ZNF468: variants seen among roughly 807,000 people sequenced by gnomAD.
The protein encoded by ZNF468 is zinc finger protein 468, also known as zinc finger protein ZNF468.
A neutral mutation model predicts 7.2 loss-of-function variants in ZNF468; 8 were observed. That is an observed-to-expected ratio of 1.11 (90% CI 0.65 to 2.01). The LOEUF is 2.01. Ranked by LOEUF, ZNF468 falls within the 30% of genes most tolerant of loss-of-function variation. The probability of loss-of-function intolerance (pLI) is 0.00; values close to 1 mark genes in which losing one functional copy is unlikely to be tolerated. For missense variants in ZNF468, 608 were observed against 626.5 expected (o/e 0.97, Z 0.31); for synonymous variants, 218 against 214.4 (o/e 1.02, Z -0.15).
At position 52,841,040 on chromosome 19, in the gene ZNF468, T is replaced by A. The variant is rs749058874; in HGVS notation, c.1254A>T (p.Lys418Asn). ...EKPYKCEECC[K>N]VFSRKSNLER... ...CCAGGTTTGATTTGCGACTGAAAAC[T>A]TTGCAACATTCTTCACATTTGTAAG... Residue 418 changes from lysine to asparagine, a missense_variant, in exon 4 of 4, where the codon AAA becomes AAT. Transcript: ENST00000595646. 1 of 1,612,666 alleles carries A rather than the reference T, an allele frequency of 6.2e-7. No individual in the cohort carries two copies.
In ZNF468 at chr19:52,839,283, T is replaced by G. The variant is rs1430213393; in HGVS notation, c.*1442A>C. 6.0e-6 allele frequency: 1 copy of G among 166,992 alleles called. No homozygotes were observed. Among genetic ancestry groups the G allele is most frequent in the Non-Finnish European group, 1.3e-5 (1 of 77,800 alleles). 10.3% of individuals were successfully genotyped at this position (166,992 alleles called of 1,614,324 possible). ...AAAACAAGAAAAAGAAAATAAAGGC[T>G]GGGAAAAGTAGCTCCCATCTGTTGG... On this transcript the variant is annotated 3_prime_UTR_variant, in exon 4 of 4. Coordinates refer to ENST00000595646, the MANE Select transcript of ZNF468 (RefSeq NM_001008801.2).
chr19:52,846,633 G>A (rs2063343806), intron 3 of ZNF468: 1 of 155,270 alleles, frequency 6.4e-6, no homozygotes, highest in African/African-American at 2.4e-5. Flanking sequence ...GGACACTAAT[G>A]TTGTTATATT....
intron 3 of ZNF468, among the ~76,000 whole-genome samples, chr19:52,844,204 C>T (rs1284822265): frequency 1.3e-5 from 2 of 152,102 alleles, no homozygotes; most frequent in Admixed American, 1.3e-4. Context: ...CCTGCAGATG[C>T]AGACATTGAG....
At chr19:52,848,433 T>G (rs2063357508) in intron 3 of ZNF468, among the ~76,000 whole-genome samples, 1 of 152,218 alleles carries the variant, frequency 6.6e-6, no homozygotes, top group African/African-American at 2.4e-5. Context: ...TCCTTCTGAA[T>G]GCTGAGGGAG....
intron 2 of ZNF468, among the ~76,000 whole-genome samples, chr19:52,850,349 T>G (rs28579478): frequency 2.0e-5 from 3 of 151,778 alleles, no homozygotes; most frequent in African/African-American, 7.3e-5. Flanking sequence ...GTAATGCGGG[T>G]GTGCACAGAG....
intron 3 of ZNF468, among the ~76,000 whole-genome samples, chr19:52,847,319 G>A (rs1336925891): frequency 6.6e-6 from 1 of 151,712 alleles, no homozygotes; most frequent in Non-Finnish European, 1.5e-5. Flanking sequence ...TCCATTCTCA[G>A]TTAACCAGGG....
Position 52,840,857 on chromosome 19 carries a change from T to C in ZNF468, c.1437A>G (p.Thr479=), listed in dbSNP as rs542033880. 2.3e-5 allele frequency: 37 copies of C among 1,595,086 alleles called. 2 individuals are homozygous for C. In the East Asian group the frequency reaches 8.1e-4, roughly 35 times the overall value. Residue 479 remains threonine (T), a synonymous_variant, in exon 4 of 4, where the codon ACA becomes ACG. Coordinates refer to ENST00000595646, the MANE Select transcript of ZNF468 (RefSeq NM_001008801.2). ...CNECGKTFGQ[T]SSLIIHRRLH... ...GCCTACGATGGATTATAAGCGATGATGTCTGACCGAAGGTCTTGCCACACT... is the reference window on the plus strand; with the variant it reads ...GCCTACGATGGATTATAAGCGATGACGTCTGACCGAAGGTCTTGCCACACT...
At chr19:52,853,879 T>G in intron 2 of ZNF468, 2 of 1,259,048 alleles carry the variant, frequency 1.6e-6, no homozygotes, top group Non-Finnish European at 2.0e-6. Context: ...TACCACGTAC[T>G]TCGTGCATAT....
chr19:52,851,941 T>C (rs1453039289), intron 2 of ZNF468, among the ~76,000 whole-genome samples: 1 of 152,156 alleles, frequency 6.6e-6, no homozygotes, highest in Non-Finnish European at 1.5e-5. Flanking sequence ...TGTGTATGTA[T>C]GTATGTATAT....
chr19:52,841,767 G>A lies in ZNF468; in HGVS notation c.527C>T (p.Thr176Ile), dbSNP rs375437640. ...GGGCCTACAACAAATTCTTTGGGAT[G>A]TTGAAACTGAGGAAGCATTGTTGAT... ...KSINNASSVS[T>I]SQRICCRPKT... Residue 176 changes from threonine to isoleucine, a missense_variant, in exon 4 of 4, where the codon ACA becomes ATA. Transcript: ENST00000595646. 4 of 1,614,094 alleles carry A rather than the reference G, an allele frequency of 2.5e-6. No individual in the cohort carries two copies. The highest frequency in any genetic ancestry group is 3.4e-6 in the Non-Finnish European group (4 of 1,180,022).
intron 2 of ZNF468, among the ~76,000 whole-genome samples, chr19:52,853,146 C>T (rs954556169): frequency 3.9e-5 from 6 of 152,032 alleles, no homozygotes; most frequent in Admixed American, 1.3e-4. Flanking sequence ...TGAGCCACCG[C>T]GCGTGGCCCA....
chr19:52,839,417 A>T lies in ZNF468; in HGVS notation c.*1308T>A. 1 of 355,060 alleles carries T rather than the reference A, an allele frequency of 2.8e-6. No individual in the cohort carries two copies. The highest frequency in any genetic ancestry group is 2.4e-5 in the South Asian group (1 of 41,340). The allele number at this position is 355,060 out of a possible 1,614,324, so 22.0% of individuals were successfully genotyped here. A position where few individuals can be genotyped will look rare whatever the true frequency, so the allele number is the denominator to read the frequency against. Reference sequence around the variant, plus strand: ...GCCCCCAGTGCAATCCTCTTAACATAAACAGTTTAATGGCAATTAATGCTT... The same window carrying T: ...GCCCCCAGTGCAATCCTCTTAACATTAACAGTTTAATGGCAATTAATGCTT... On this transcript the variant is annotated 3_prime_UTR_variant, in exon 4 of 4. Coordinates refer to ENST00000595646, the MANE Select transcript of ZNF468 (RefSeq NM_001008801.2).
chr19:52,857,362 T>C (rs1600542673), intron 1 of ZNF468, among the ~76,000 whole-genome samples: 2 of 152,210 alleles, frequency 1.3e-5, no homozygotes, highest in South Asian at 4.1e-4. Flanking sequence ...CATTGCCCTA[T>C]GGCAGAAAGA....
chr19:52,845,522 A>G (rs1478964076), intron 3 of ZNF468, among the ~76,000 whole-genome samples: 1 of 151,864 alleles, frequency 6.6e-6, no homozygotes, highest in East Asian at 1.9e-4. Context: ...AGCTGGGTAT[A>G]GTGGTGCAGG....
rs1003560132 is a variant in ZNF468 at position 52,839,264 on chromosome 19, A to G, written c.*1461T>C. ...AAGACTCCATCTCAAAAAAAAAACA[A>G]GAAAAAGAAAATAAAGGCTGGGAAA... is the stretch of plus-strand genomic sequence containing the variant. On this transcript the variant is annotated 3_prime_UTR_variant, in exon 4 of 4. Coordinates refer to ENST00000595646, the MANE Select transcript of ZNF468 (RefSeq NM_001008801.2). 5.8e-6 allele frequency: 1 copy of G among 173,642 alleles called. No homozygotes were observed. The highest frequency in any genetic ancestry group is 2.4e-5 in the African/African-American group (1 of 41,620). 10.8% of individuals were successfully genotyped at this position (173,642 alleles called of 1,614,324 possible).
intron 1 of ZNF468, among the ~76,000 whole-genome samples, chr19:52,857,293 G>A (rs1390958623): frequency 6.6e-6 from 1 of 152,224 alleles, no homozygotes; most frequent in Non-Finnish European, 1.5e-5. Flanking sequence ...AAAAAGAGCC[G>A]TGCGGAAGGA....
intron 2 of ZNF468, among the ~76,000 whole-genome samples, chr19:52,852,737 A>C (rs751494491): frequency 6.6e-6 from 1 of 152,142 alleles, no homozygotes; most frequent in African/African-American, 2.4e-5. Flanking sequence ...TTGATACCGG[A>C]GTGATGAAAT....
In ZNF468 at chr19:52,843,604, A is replaced by G. The variant is rs1348592176; in HGVS notation, c.143-1453T>C. ...CCACATACCGAACACTCATATATAA[A>G]TTCATAAAAATCAATTAATCAAATA... On this transcript the variant is annotated intron_variant, in intron 3 of 3. Transcript: ENST00000595646. 3.3e-5 allele frequency among the ~76,000 whole-genome samples: 5 copies of G among 152,158 alleles called. No homozygotes were observed. The East Asian group carries it at 9.6e-4, about 29-fold the overall frequency.
intron 1 of ZNF468, among the ~76,000 whole-genome samples, chr19:52,856,656 C>T (rs1165112885): frequency 1.0e-5 from 1 of 100,034 alleles, no homozygotes; most frequent in African/African-American, 3.5e-5. Context: ...CTCTCCCTCA[C>T]TCTGATGAGC....
Sources: allele counts gnomAD v4.1 joint callset (sites outside exome capture counted in the v4.1 genomes callset), GRCh38; gene constraint gnomAD v4.1.1; transcripts MANE v1.5; gene names NCBI Gene and HGNC (gene_info 2026-07-23, HGNC 2026-07-21).